Variants in SGCD observed in about 807,000 individuals in gnomAD.
SGCD encodes the protein delta-sarcoglycan.
A neutral mutation model predicts 36.6 loss-of-function variants in SGCD; 18 were observed. The ratio of observed to expected loss-of-function variants is 0.49; its 90% CI spans 0.34 to 0.73. SGCD has a LOEUF of 0.73. Ranked by LOEUF, SGCD falls within the 30% of genes least tolerant of loss-of-function variation. The pLI, the probability that SGCD is intolerant of heterozygous loss-of-function variation, is 0.01. For missense variants in SGCD, 387 were observed against 346.7 expected (o/e 1.12, Z -0.92); for synonymous variants, 133 against 130.6 (o/e 1.02, Z -0.12).
At chr5:156,451,964 T>A (rs550793317) in intron 3 of SGCD, among the ~76,000 whole-genome samples, 16 of 152,226 alleles carry the variant, frequency 1.1e-4, no homozygotes, top group Non-Finnish European at 2.2e-4. Flanking sequence ...ATGATACAGG[T>A]ATTAGTATTA....
intron 7 of SGCD, among the ~76,000 whole-genome samples, chr5:156,668,092 C>T (rs545965715): frequency 6.6e-6 from 1 of 152,142 alleles, no homozygotes; most frequent in South Asian, 2.1e-4. Context: ...TTTCATTTTG[C>T]CCAAAACCCA....
intron 3 of SGCD, among the ~76,000 whole-genome samples, chr5:156,430,827 G>T (rs925715088): frequency 3.3e-5 from 5 of 152,094 alleles, no homozygotes; most frequent in African/African-American, 9.7e-5. Flanking sequence ...ATGTTCTTGG[G>T]GTGTGGGAGA....
chr5:155,920,540 A>G (rs1756854774), intron 1 of SGCD, among the ~76,000 whole-genome samples: 1 of 152,182 alleles, frequency 6.6e-6, no homozygotes, highest in Non-Finnish European at 1.5e-5. Context: ...TAGAAAAGTG[A>G]GGAAGGGAGG....
chr5:156,111,918 A>G (rs1460704854), intron 1 of SGCD, among the ~76,000 whole-genome samples: 1 of 152,058 alleles, frequency 6.6e-6, no homozygotes. Context: ...AGCCAAGACT[A>G]CAGGCACGTG....
chr5:155,814,257 T>C, the SGCD span, among the ~76,000 whole-genome samples: 2 of 152,234 alleles, frequency 1.3e-5, no homozygotes, highest in African/African-American at 4.8e-5. Flanking sequence ...TGTTTGCTCT[T>C]TCTGTATCCA....
At chr5:156,662,994 T>C (rs1331209532) in intron 7 of SGCD, among the ~76,000 whole-genome samples, 1 of 150,596 alleles carries the variant, frequency 6.6e-6, no homozygotes, top group Non-Finnish European at 1.5e-5. Context: ...ATTCCTTCTC[T>C]TTCTTGATTT....
intron 3 of SGCD, among the ~76,000 whole-genome samples, chr5:156,413,194 A>G (rs375844977): frequency 1.3e-5 from 2 of 152,218 alleles, no homozygotes; most frequent in Admixed American, 6.5e-5. Flanking sequence ...GGCAAATGCT[A>G]TAACTAAAAC....
In SGCD at chr5:156,601,741, T is replaced by C. The variant is rs1477125771; in HGVS notation, c.502+6690T>C. 2.0e-5 allele frequency among the ~76,000 whole-genome samples: 3 copies of C among 152,224 alleles called. No individual in the cohort carries two copies. The East Asian group carries it at 5.8e-4, about 29-fold the overall frequency. Reference sequence around the variant, plus strand: ...CTCTGTCGCCCATGCTGGAGTGCAGTGGCGCGATCTTGGCTCACTGCAAGC... The same window carrying C: ...CTCTGTCGCCCATGCTGGAGTGCAGCGGCGCGATCTTGGCTCACTGCAAGC... On this transcript the variant is annotated intron_variant, in intron 6 of 8. Coordinates refer to ENST00000337851, the MANE Select transcript of SGCD (RefSeq NM_000337.6).
At chr5:156,494,448 G>A (rs1452473352) in intron 3 of SGCD, among the ~76,000 whole-genome samples, 3 of 151,162 alleles carry the variant, frequency 2.0e-5, no homozygotes, top group East Asian at 3.9e-4. Context: ...GCAAAGGAAG[G>A]AGGGAATAAA....
At chr5:155,772,179 GA>G in the SGCD span, among the ~76,000 whole-genome samples, 12 of 152,220 alleles carry the variant, frequency 7.9e-5, no homozygotes, top group African/African-American at 2.6e-4. Flanking sequence ...TGCACCAGTG[GA>G]TAAATGGAAA....
At chr5:155,843,441 T>TA in the SGCD span, among the ~76,000 whole-genome samples, 1 of 152,056 alleles carries the variant, frequency 6.6e-6, no homozygotes. Flanking sequence ...CACGCTGAGG[T>TA]AAAGGGAGGT....
rs1200525320 is a variant in SGCD, at chr5:156,647,493, A to G, written c.532A>G (p.Ile178Val). 4 of 1,587,590 alleles carry G rather than the reference A, an allele frequency of 2.5e-6. No homozygotes were observed. Among genetic ancestry groups the G allele is most frequent in the African/African-American group, 1.3e-5 (1 of 74,534 alleles). The stretch of plus-strand genomic sequence containing the variant: ...GGAGGGCACAGTGTTCCCTAAATCT[A>G]TAGAAACACCTAATGTCAGGGCAGA... ...GAEGTVFPKSIETPNVRADPF... is the reference protein window; with the variant it reads ...GAEGTVFPKSVETPNVRADPF... Residue 178 changes from isoleucine to valine, a missense_variant, in exon 7 of 9, where the codon ATA becomes GTA. Transcript: ENST00000337851.
intron 3 of SGCD, among the ~76,000 whole-genome samples, chr5:156,354,873 A>C (rs1216728076): frequency 6.6e-6 from 1 of 152,208 alleles, no homozygotes; most frequent in African/African-American, 2.4e-5. Flanking sequence ...TAGGTGATTC[A>C]AACTGTAGAA....
intron 4 of SGCD, among the ~76,000 whole-genome samples, chr5:156,519,109 G>A (rs1418177781): frequency 2.0e-5 from 3 of 151,446 alleles, no homozygotes; most frequent in Non-Finnish European, 4.4e-5. Flanking sequence ...AGACTAATAA[G>A]AGAAGAATCA....
chr5:156,143,317 C>A (rs1314285180), intron 3 of SGCD, among the ~76,000 whole-genome samples: 1 of 152,240 alleles, frequency 6.6e-6, no homozygotes. Flanking sequence ...AGGCAGAAAC[C>A]TGCTGCAGAG....
At chr5:156,601,483 A>G (rs1761188940) in intron 6 of SGCD, among the ~76,000 whole-genome samples, 2 of 152,152 alleles carry the variant, frequency 1.3e-5, no homozygotes, top group Non-Finnish European at 1.5e-5. Flanking sequence ...ATTCTCTTCC[A>G]TCGGTGTATG....
intron 4 of SGCD, among the ~76,000 whole-genome samples, chr5:156,558,578 C>T (rs181269595): frequency 1.3e-5 from 2 of 152,230 alleles, no homozygotes; most frequent in Admixed American, 1.3e-4. Context: ...AAAGATGGAT[C>T]AGATGTTATT....
chr5:155,769,947 C>CCTTTTCTCTTTCATTTTT, the SGCD span, among the ~76,000 whole-genome samples: 1 of 152,084 alleles, frequency 6.6e-6, no homozygotes, highest in Non-Finnish European at 1.5e-5. Context: ...ATGCTTTGTA[C>CCTTTTCTCTTTCATTTTT]CTTTTCTCTT....
At chr5:156,331,722 T>G (rs912657981) in intron 2 of SGCD, among the ~76,000 whole-genome samples, 4 of 152,204 alleles carry the variant, frequency 2.6e-5, no homozygotes, top group African/African-American at 9.6e-5. Flanking sequence ...AAACTATTCA[T>G]TGAGTTCAGA....
Sources: gnomAD v4.1 joint callset for allele counts (sites outside exome capture counted in the v4.1 genomes callset) on GRCh38, gnomAD v4.1.1 for gene constraint, MANE v1.5 for transcripts, NCBI Gene and HGNC (gene_info 2026-07-23, HGNC 2026-07-21) for gene names.